Variants in AMBRA1 observed in about 807,000 individuals in gnomAD.
The protein encoded by AMBRA1 is activating molecule in BECN1-regulated autophagy protein 1.
In AMBRA1, 47 loss-of-function variants were observed where a neutral mutation model predicts 125.4. That is an observed-to-expected ratio of 0.37 (90% confidence interval 0.30 to 0.48). The LOEUF (loss-of-function observed/expected upper bound fraction) is 0.48, where lower values mean the gene tolerates loss of function less well. Among genes scored for constraint, AMBRA1 ranks in the 20% least tolerant of loss-of-function variants. The pLI, the probability that AMBRA1 is intolerant of heterozygous loss-of-function variation, is 0.99. For missense variants in AMBRA1, 1,331 were observed against 1,693.4 expected (o/e 0.79, Z 3.76); for synonymous variants, 626 against 655.5 (o/e 0.95, Z 0.69).
intron 1 of AMBRA1, among the ~76,000 whole-genome samples, chr11:46,549,279 A>T (rs948134421): frequency 6.6e-6 from 1 of 152,248 alleles, no homozygotes; most frequent in Non-Finnish European, 1.5e-5. Flanking sequence ...TCAAAAGAAT[A>T]TCTACATATA....
chr11:46,476,490 A>G (rs1432881774), intron 11 of AMBRA1, among the ~76,000 whole-genome samples: 1 of 147,106 alleles, frequency 6.8e-6, no homozygotes, highest in East Asian at 1.9e-4. Context: ...GGACCTTCAC[A>G]TTCTTCCCAG....
At chr11:46,547,596 C>A (rs987469083) in intron 3 of AMBRA1, among the ~76,000 whole-genome samples, 2 of 152,142 alleles carry the variant, frequency 1.3e-5, no homozygotes, top group African/African-American at 4.8e-5. Context: ...TATTGAGAAA[C>A]TTTCCAAGTT....
chr11:46,411,606 T>C (rs1946301470), intron 15 of AMBRA1, among the ~76,000 whole-genome samples: 1 of 152,120 alleles, frequency 6.6e-6, no homozygotes, highest in Admixed American at 6.5e-5. Context: ...GCAGCTGAGA[T>C]TGCAGATGTG....
At position 46,411,043 on chromosome 11, in the gene AMBRA1, T is replaced by C. The variant is rs368081970; in HGVS notation, c.3117-675A>G. ...TTGAACCAGGAGACAGAGGTTGCAG[T>C]GAGCTGAGATCGCGCCACTGTACTC... On this transcript the variant is annotated intron_variant, in intron 15 of 17. Transcript: ENST00000683756. Among the ~76,000 whole-genome samples, 7 of 141,664 alleles carry C rather than the reference T, an allele frequency of 4.9e-5. No individual in the cohort carries two copies. The South Asian group carries it at 8.6e-4, about 17-fold the overall frequency. The allele number at this position is 141,664 out of a possible 152,430, so 92.9% of individuals were successfully genotyped here. A position where few individuals can be genotyped will look rare whatever the true frequency, so the allele number is the denominator to read the frequency against.
intron 17 of AMBRA1, among the ~76,000 whole-genome samples, chr11:46,404,598 A>G (rs1235482593): frequency 6.6e-6 from 1 of 152,142 alleles, no homozygotes; most frequent in Non-Finnish European, 1.5e-5. Context: ...GTATACGCAG[A>G]GCATGCAGGG....
chr11:46,578,074 A>G (rs1184558637), intron 1 of AMBRA1, among the ~76,000 whole-genome samples: 1 of 152,112 alleles, frequency 6.6e-6, no homozygotes, highest in East Asian at 1.9e-4. Flanking sequence ...GTGAACTACA[A>G]TCACCACTGT....
intron 7 of AMBRA1, among the ~76,000 whole-genome samples, chr11:46,527,681 T>C (rs1347333938): frequency 6.6e-6 from 1 of 151,678 alleles, no homozygotes; most frequent in Non-Finnish European, 1.5e-5. Flanking sequence ...ATACAAATGG[T>C]CAACAAGCAT....
At chr11:46,521,128 C>T (rs903617721) in intron 7 of AMBRA1, among the ~76,000 whole-genome samples, 4 of 152,192 alleles carry the variant, frequency 2.6e-5, no homozygotes, top group South Asian at 2.1e-4. Context: ...TATCTGGTTG[C>T]CCCTCACTGG....
At chr11:46,498,227 C>A (rs933338883) in intron 9 of AMBRA1, among the ~76,000 whole-genome samples, 3 of 152,164 alleles carry the variant, frequency 2.0e-5, no homozygotes, top group African/African-American at 7.2e-5. Flanking sequence ...ATAGCCAACA[C>A]CCTTTCCAAG....
chr11:46,484,162 G>A (rs976455362), intron 11 of AMBRA1, among the ~76,000 whole-genome samples: 2 of 152,182 alleles, frequency 1.3e-5, no homozygotes, highest in Non-Finnish European at 1.5e-5. Flanking sequence ...TAATCCTAAA[G>A]AAAGTTTGAA....
chr11:46,505,072 T>C (rs773602128), intron 9 of AMBRA1, among the ~76,000 whole-genome samples: 4 of 152,140 alleles, frequency 2.6e-5, no homozygotes, highest in African/African-American at 4.8e-5. Context: ...GCTGAGAAGG[T>C]GAGGATACCA....
chr11:46,462,759 C>CTT (rs536203549), intron 11 of AMBRA1, among the ~76,000 whole-genome samples: 4 of 148,182 alleles, frequency 2.7e-5, no homozygotes, highest in African/African-American at 9.9e-5. Flanking sequence ...CACCCCCCTC[C>CTT]TTTTTTTTTT....
intron 9 of AMBRA1, among the ~76,000 whole-genome samples, chr11:46,505,703 G>C (rs538422684): frequency 8.2e-4 from 125 of 151,936 alleles, no homozygotes; most frequent in Middle Eastern, 3.4e-3. Context: ...CAGGTGGGCT[G>C]GGGGGAGCAT....
chr11:46,531,435 C>T (rs942210665), intron 7 of AMBRA1, among the ~76,000 whole-genome samples: 4 of 151,976 alleles, frequency 2.6e-5, no homozygotes, highest in South Asian at 4.2e-4. Context: ...TGAGGCTGGG[C>T]GCGGTGGCTC....
rs531678878 is a variant in AMBRA1, at chr11:46,452,168, T to C, written c.2522-8570A>G. Among the ~76,000 whole-genome samples the C allele has an allele frequency of 7.2e-5, 11 of 152,208 alleles. No homozygotes were observed. In the South Asian group the frequency reaches 1.9e-3, roughly 26 times the overall value. On this transcript the variant is annotated intron_variant, in intron 11 of 17. Coordinates refer to ENST00000683756, the MANE Select transcript of AMBRA1 (RefSeq NM_001387011.1). ...ACTATTCAAATAAATGTCTATCAATTTGTGAAGTAAAAAATGGTAATCCTA... is the reference window on the plus strand; with the variant it reads ...ACTATTCAAATAAATGTCTATCAATCTGTGAAGTAAAAAATGGTAATCCTA...
At position 46,484,950 on chromosome 11, in the gene AMBRA1, T is replaced by G. The variant is rs546231797; in HGVS notation, c.2521+8658A>C. Reference sequence around the variant, plus strand: ...GTGAGCCACTGTGCCCAGGCTTTTTTTTTTAAGACAAAATCTCACTCTTGT... The same window carrying G: ...GTGAGCCACTGTGCCCAGGCTTTTTGTTTTAAGACAAAATCTCACTCTTGT... On this transcript the variant is annotated intron_variant, in intron 11 of 17. Transcript: ENST00000683756. Among the ~76,000 whole-genome samples the G allele has an allele frequency of 8.0e-4, 121 of 151,540 alleles. 1 individual carries two copies. The highest frequency in any genetic ancestry group is 1.3e-3 in the Non-Finnish European group (91 of 67,774).
intron 1 of AMBRA1, among the ~76,000 whole-genome samples, chr11:46,592,868 A>T (rs2044656409): frequency 6.6e-6 from 1 of 152,184 alleles, no homozygotes; most frequent in Non-Finnish European, 1.5e-5. Context: ...ACCATCCTCT[A>T]CTAGACTCTA....
At chr11:46,471,383 CCTAG>C (rs1949580254) in intron 11 of AMBRA1, among the ~76,000 whole-genome samples, 1 of 151,856 alleles carries the variant, frequency 6.6e-6, no homozygotes, top group Non-Finnish European at 1.5e-5. Context: ...TCGAGACCAC[CCTAG>C]CTAACACGGT....
At chr11:46,441,893 G>A (rs983307177) in intron 12 of AMBRA1, among the ~76,000 whole-genome samples, 6 of 151,030 alleles carry the variant, frequency 4.0e-5, no homozygotes, top group Non-Finnish European at 7.4e-5. Context: ...TTATACTATG[G>A]AGGTTCAGAG....
Sources: gnomAD v4.1 joint callset for allele counts (sites outside exome capture counted in the v4.1 genomes callset) on GRCh38, gnomAD v4.1.1 for gene constraint, MANE v1.5 for transcripts, NCBI Gene and HGNC (gene_info 2026-07-23, HGNC 2026-07-21) for gene names.